TSC2: variants seen among roughly 807,000 people sequenced by gnomAD.
TSC2 encodes tuberin.
TSC2 carries 29 observed loss-of-function variants against 202.2 expected under a neutral mutation model. That is an observed-to-expected ratio of 0.14 (90% CI 0.11 to 0.20). The LOEUF (loss-of-function observed/expected upper bound fraction) is 0.20, where lower values mean the gene tolerates loss of function less well. Ranked by LOEUF, TSC2 falls within the 10% of genes least tolerant of loss-of-function variation. The pLI is 1.00. For missense variants in TSC2, 2,429 were observed against 2,420.0 expected (o/e 1.00, Z -0.08); for synonymous variants, 1,349 against 1,044.0 (o/e 1.29, Z -5.63).
rs62038808 is a variant in TSC2 at position 2,082,051 on chromosome 16, G to T, written c.3814+253G>T. On this transcript the variant is annotated intron_variant, in intron 31 of 41. Transcript: ENST00000219476. ...GTGGAGCCTCTGCCCAGCATCCTCC[G>T]TGGGGAGTCCAGCACTGCGGGCTCC... The T allele has an allele frequency of 4.6e-3, 2,836 of 623,046 alleles. 9 individuals carry two copies. Among genetic ancestry groups the T allele is most frequent in the Non-Finnish European group, 6.9e-3 (2,432 of 352,006 alleles). The allele number at this position is 623,046 out of a possible 1,614,324, so 38.6% of individuals were successfully genotyped here. A position where few individuals can be genotyped will look rare whatever the true frequency, so the allele number is the denominator to read the frequency against.
rs367613848 is a variant in TSC2, at chr16:2,060,661, G to A, written c.976-9G>A. The A allele has an allele frequency of 7.4e-6, 12 of 1,613,858 alleles. No individual in the cohort carries two copies. Among genetic ancestry groups the A allele is most frequent in the Admixed American group, 3.3e-5 (2 of 60,006 alleles). On this transcript the variant is annotated splice_polypyrimidine_tract_variant and intron_variant, in intron 10 of 41. Coordinates refer to ENST00000219476, the MANE Select transcript of TSC2 (RefSeq NM_000548.5). ...CTGACCCTGTGTGCTGGCCGGGCTC[G>A]TGTTCCAGGCCATGGCATGTCCGAA... is the stretch of plus-strand genomic sequence containing the variant.
intron 32 of TSC2, chr16:2,083,173 C>T (rs1479979451): frequency 4.4e-6 from 2 of 457,450 alleles, no homozygotes; most frequent in African/African-American, 4.0e-5. Flanking sequence ...TGTCCTGACG[C>T]TGGCACAGGA....
intron 5 of TSC2, 48 bp downstream of exon 5, chr16:2,054,488 T>C (rs769339163): frequency 1.9e-6 from 3 of 1,612,622 alleles, no homozygotes; most frequent in African/African-American, 1.3e-5. Flanking sequence ...GACGATCAAG[T>C]GTAACCTGGA....
In TSC2 at chr16:2,062,492, G is replaced by T. The variant is rs925954967; in HGVS notation, c.1258-5G>T. ...GAGGGGCAACACCGGCTCTTCTTTT[G>T]ACAGGAGTCCTCCCTCCTGAACCTG... On this transcript the variant is annotated splice_region_variant and splice_polypyrimidine_tract_variant and intron_variant, in intron 12 of 41. Transcript: ENST00000219476. The T allele has an allele frequency of 3.7e-6, 6 of 1,607,018 alleles. No individual in the cohort carries two copies. In the African/African-American group the frequency reaches 6.7e-5, roughly 18 times the overall value.
At chr16:2,066,990 T>G (rs2087472094) in intron 16 of TSC2, among the ~76,000 whole-genome samples, 1 of 151,914 alleles carries the variant, frequency 6.6e-6, no homozygotes, top group Non-Finnish European at 1.5e-5. Context: ...CCTCACAGCA[T>G]CACTTACGTG....
intron 17 of TSC2, 82 bp from the exon 18 acceptor site, chr16:2,071,428 C>T: frequency 9.1e-6 from 13 of 1,436,062 alleles, no homozygotes; most frequent in Admixed American, 5.5e-5. Context: ...TGGTGCTGGA[C>T]GTGGGTCTGA....
chr16:2,072,940 C>T lies in TSC2; in HGVS notation c.2312C>T (p.Thr771Ile), dbSNP rs886051790. The T allele has an allele frequency of 9.3e-6, 15 of 1,613,604 alleles. No individual in the cohort carries two copies. The highest frequency in any genetic ancestry group is 1.3e-5 in the Non-Finnish European group (15 of 1,180,038). ...CACCTGGCCGTGGTTCCAGTGCTGA[C>T]AGCATTAATCTCTTACCATAACTAC... is the stretch of plus-strand genomic sequence containing the variant. ...DLHLAVVPVLTALISYHNYLD... is the reference protein window; with the variant it reads ...DLHLAVVPVLIALISYHNYLD... Residue 771 changes from threonine (T) to isoleucine (I), a missense_variant, in exon 21 of 42, where the codon ACA (threonine) becomes ATA (isoleucine). Transcript: ENST00000219476.
chr16:2,084,635 G>A lies in TSC2; in HGVS notation c.4413G>A (p.Arg1471=), dbSNP rs1596418285. Reference sequence around the variant, plus strand: ...TCTCCGACTCGGCCCCATCACGCAGGGGCAAGAGAGTAGAGAGGGACGCCT... The same window carrying A: ...TCTCCGACTCGGCCCCATCACGCAGAGGCAAGAGAGTAGAGAGGGACGCCT... The part of the protein sequence containing the change: ...YTISDSAPSR[R]GKRVERDALK... The change falls in exon 34 of 42, where the codon AGG becomes AGA. Residue 1471 remains arginine (R), a synonymous_variant. Coordinates refer to ENST00000219476, the MANE Select transcript of TSC2 (RefSeq NM_000548.5). The A allele has an allele frequency of 6.2e-7, 1 of 1,600,346 alleles. No homozygotes were observed. Among genetic ancestry groups the A allele is most frequent in the African/African-American group, 1.3e-5 (1 of 75,054 alleles).
intron 3 of TSC2, 105 bp from the exon 4 acceptor site, chr16:2,053,237 C>G: frequency 8.8e-7 from 1 of 1,133,168 alleles, no homozygotes; most frequent in Admixed American, 2.0e-5. Flanking sequence ...CAGTCACAAG[C>G]CCCCGTTGTT....
In TSC2 at chr16:2,088,025, G is replaced by T. The variant is rs369756111; in HGVS notation, c.5069-23G>T. 96 of 1,612,872 alleles carry T rather than the reference G, an allele frequency of 6.0e-5. No individual in the cohort carries two copies. The African/African-American group carries it at 9.7e-4, about 16-fold the overall frequency. ...TGTGGCGCCAAGAGCCCTGGGCCTG[G>T]CGTGACCACCAAGTCTCCCCAGACA... is the stretch of plus-strand genomic sequence containing the variant. On this transcript the variant is annotated intron_variant, in intron 39 of 41. Coordinates refer to ENST00000219476, the MANE Select transcript of TSC2 (RefSeq NM_000548.5).
rs138163125 is a variant in TSC2, at chr16:2,080,548, A to G, written c.3610+171A>G. The G allele has an allele frequency of 2.9e-3, 2,188 of 746,136 alleles. 32 individuals are homozygous for G. In the African/African-American group the frequency reaches 0.032, roughly 11 times the overall value. The allele number at this position is 746,136 out of a possible 1,614,324, so 46.2% of individuals were successfully genotyped here. A position where few individuals can be genotyped will look rare whatever the true frequency, so the allele number is the denominator to read the frequency against. ...GCCCACGCTGGAACGCAGTGGCGCA[A>G]TCTCGGCTCACTGCAAGCTCCACCT... On this transcript the variant is annotated intron_variant, in intron 30 of 41. Coordinates refer to ENST00000219476, the MANE Select transcript of TSC2 (RefSeq NM_000548.5).
chr16:2,062,145 A>G, intron 12 of TSC2, 137 bp downstream of exon 12: 1 of 1,304,942 alleles, frequency 7.7e-7, no homozygotes, highest in Non-Finnish European at 1.1e-6. Context: ...TGCACTCGGC[A>G]GGGAAGGCTG....
In TSC2 at chr16:2,064,232, G is replaced by A. The variant is rs45460191; in HGVS notation, c.1444-40G>A. ...GGAAGTGTCACGAGATGTGGCCCTC[G>A]TTGGGCTGGCGCTCATTGGCCTCCC... On this transcript the variant is annotated intron_variant, in intron 14 of 41. Transcript: ENST00000219476. 2.1e-4 allele frequency: 341 copies of A among 1,613,570 alleles called. No individual in the cohort carries two copies. The highest frequency in any genetic ancestry group is 3.0e-4 in the Admixed American group (18 of 60,012).
chr16:2,063,331 C>T, intron 14 of TSC2: 1 of 576,492 alleles, frequency 1.7e-6, no homozygotes, highest in South Asian at 2.0e-5. Flanking sequence ...ACACAGGAGC[C>T]TCTTAAAAAT....
intron 15 of TSC2, 33 bp from the exon 16 acceptor site, chr16:2,065,486 G>A (rs757147107): frequency 1.3e-6 from 2 of 1,552,910 alleles, no homozygotes; most frequent in East Asian, 2.3e-5. Context: ...AGAACCATGA[G>A]CCTGTGTGTA....
chr16:2,085,351 T>A (rs1399456893), intron 36 of TSC2, 29 bp downstream of exon 36: 1 of 1,610,946 alleles, frequency 6.2e-7, no homozygotes, highest in African/African-American at 1.3e-5. Flanking sequence ...CCTAGGTGCC[T>A]GGACAGGGCC....
At chr16:2,072,465 G>A (rs1455641904) in intron 20 of TSC2, 102 bp downstream of exon 20, 2 of 1,534,930 alleles carry the variant, frequency 1.3e-6, no homozygotes, top group East Asian at 2.3e-5. Context: ...TCGGGCTCGG[G>A]CTCCATTTCC....
Position 2,088,897 on chromosome 16 carries a change from A to AGT in TSC2, c.*287_*288insGT. On this transcript the variant is annotated 3_prime_UTR_variant, in exon 42 of 42. Transcript: ENST00000219476. ...TGCGCGCGCGCACACACACACACACACAGTCACCTTCCTCCACCCTGGGAG... is the reference window on the plus strand; with the variant it reads ...TGCGCGCGCGCACACACACACACACAGTCAGTCACCTTCCTCCACCCTGGGAG... 1 of 426,030 alleles carries AGT rather than the reference A, an allele frequency of 2.3e-6. No individual in the cohort carries two copies. Among genetic ancestry groups the AGT allele is most frequent in the Non-Finnish European group, 4.3e-6 (1 of 231,104 alleles). The allele number at this position is 426,030 out of a possible 1,614,324, so 26.4% of individuals were successfully genotyped here. A position where few individuals can be genotyped will look rare whatever the true frequency, so the allele number is the denominator to read the frequency against.
intron 30 of TSC2, 195 bp downstream of exon 30, chr16:2,080,572 C>A (rs1047783943): frequency 1.5e-6 from 1 of 660,528 alleles, no homozygotes; most frequent in Admixed American, 3.0e-5. Context: ...CAAGCTCCAC[C>A]TCCCGGGTTC....
Sources: allele counts gnomAD v4.1 joint callset (sites outside exome capture counted in the v4.1 genomes callset), GRCh38; gene constraint gnomAD v4.1.1; transcripts MANE v1.5; gene names NCBI Gene and HGNC (gene_info 2026-07-23, HGNC 2026-07-21).